The following BRI3BP variants were observed in gnomAD, a reference collection of about 807,000 sequenced individuals.
The protein encoded by BRI3BP is BRI3-binding protein.
BRI3BP carries 7 observed loss-of-function variants against 15.8 expected under a neutral mutation model. The observed-to-expected ratio is 0.44, with a 90% confidence interval of 0.25 to 0.83. The LOEUF (loss-of-function observed/expected upper bound fraction) is 0.83, where lower values mean the gene tolerates loss of function less well. BRI3BP is among the 40% of genes least tolerant of loss of function. The probability of loss-of-function intolerance (pLI) is 0.20; values close to 1 mark genes in which losing one functional copy is unlikely to be tolerated. For missense variants in BRI3BP, 320 were observed against 339.3 expected (o/e 0.94, Z 0.45); for synonymous variants, 192 against 163.5 (o/e 1.17, Z -1.33).
chr12:124,995,073 G>T (rs1375648195), intron 1 of BRI3BP, among the ~76,000 whole-genome samples: 2 of 152,178 alleles, frequency 1.3e-5, no homozygotes, highest in African/African-American at 4.8e-5. Context: ...GGAATAGAAG[G>T]GAATATGAAG....
intron 1 of BRI3BP, 98 bp downstream of exon 1, chr12:124,994,101 C>A: frequency 4.7e-6 from 4 of 850,502 alleles, no homozygotes; most frequent in South Asian, 5.6e-5. Context: ...CGGGGCTGCC[C>A]GCCCGGCCAG....
At chr12:125,032,311 A>T (rs1955412079), downstream of BRI3BP, among the ~76,000 whole-genome samples, 1 of 152,136 alleles carries the variant, frequency 6.6e-6, no homozygotes, top group Non-Finnish European at 1.5e-5. Flanking sequence ...GAATGCAATT[A>T]GCCGGGCGTG....
chr12:125,027,495 C>T lies in BRI3BP; in HGVS notation c.*2065C>T, dbSNP rs1955365880. On this transcript the variant is annotated 3_prime_UTR_variant, in exon 3 of 3. Coordinates refer to ENST00000341446, the MANE Select transcript of BRI3BP (RefSeq NM_080626.6). ...GACCAGCCCGGCCAACAGAGTGAAA[C>T]CCCGTCTCTACTAAAAATACAAAAA... is the stretch of plus-strand genomic sequence containing the variant. The T allele has an allele frequency of 6.6e-6, 1 of 151,976 alleles. No homozygotes were observed. Among genetic ancestry groups the T allele is most frequent in the Admixed American group, 6.6e-5 (1 of 15,244 alleles). 9.4% of individuals were successfully genotyped at this position (151,976 alleles called of 1,614,324 possible). A position where few individuals can be genotyped will look rare whatever the true frequency, so the allele number is the denominator to read the frequency against.
chr12:125,007,675 C>A (rs1955156981), intron 1 of BRI3BP, among the ~76,000 whole-genome samples: 1 of 151,872 alleles, frequency 6.6e-6, no homozygotes, highest in African/African-American at 2.4e-5. Flanking sequence ...GCCGTAATTA[C>A]CCCCACTGTA....
chr12:125,033,180 A>G (rs529951160), downstream of BRI3BP, among the ~76,000 whole-genome samples: 33 of 152,252 alleles, frequency 2.2e-4, no homozygotes, highest in South Asian at 6.2e-3. Context: ...AACAAACACA[A>G]ACTTCCTTCC....
chr12:125,042,849 A>C, the BRI3BP span, among the ~76,000 whole-genome samples: 2 of 152,010 alleles, frequency 1.3e-5, no homozygotes, highest in African/African-American at 4.8e-5. Flanking sequence ...ATAGCACATT[A>C]ATAGCTCACT....
chr12:125,009,873 A>C (rs928953701), intron 1 of BRI3BP, among the ~76,000 whole-genome samples: 3 of 152,064 alleles, frequency 2.0e-5, no homozygotes, highest in African/African-American at 4.8e-5. Flanking sequence ...ACGCCTAGGC[A>C]GGCGGGTCAC....
At chr12:125,010,870 G>C (rs1955191098) in intron 1 of BRI3BP, among the ~76,000 whole-genome samples, 1 of 152,024 alleles carries the variant, frequency 6.6e-6, no homozygotes. Flanking sequence ...GGGGTGGGCA[G>C]ATCACCTGAG....
chr12:125,017,444 C>G (rs1314609823), intron 2 of BRI3BP, among the ~76,000 whole-genome samples: 1 of 152,178 alleles, frequency 6.6e-6, no homozygotes, highest in Non-Finnish European at 1.5e-5. Context: ...CATGTGCCAC[C>G]ATGCCCAGGT....
At chr12:125,017,850 G>A (rs1345841940) in intron 2 of BRI3BP, among the ~76,000 whole-genome samples, 1 of 152,198 alleles carries the variant, frequency 6.6e-6, no homozygotes, top group Non-Finnish European at 1.5e-5. Flanking sequence ...CAGGGCAGGG[G>A]TTGTGTGGCT....
At chr12:125,003,428 A>G (rs1265142053) in intron 1 of BRI3BP, among the ~76,000 whole-genome samples, 2 of 152,136 alleles carry the variant, frequency 1.3e-5, no homozygotes, top group Non-Finnish European at 2.9e-5. Context: ...CCTTATTTCA[A>G]CTTTCCATTC....
At position 125,027,331 on chromosome 12, in the gene BRI3BP, C is replaced by T. The variant is rs559320671; in HGVS notation, c.*1901C>T. The T allele has an allele frequency of 6.6e-6, 1 of 152,212 alleles. No individual in the cohort carries two copies. Among genetic ancestry groups the T allele is most frequent in the South Asian group, 2.1e-4 (1 of 4,816 alleles). 9.4% of individuals were successfully genotyped at this position (152,212 alleles called of 1,614,324 possible). ...TTCCATTCACTTCCTGAAACGTGCA[C>T]CTGTTTCAGGTGCATGTTTATTCAG... On this transcript the variant is annotated 3_prime_UTR_variant, in exon 3 of 3. Transcript: ENST00000341446.
At chr12:125,015,448 T>C (rs1490116228) in intron 2 of BRI3BP, among the ~76,000 whole-genome samples, 1 of 151,394 alleles carries the variant, frequency 6.6e-6, no homozygotes, top group Non-Finnish European at 1.5e-5. Context: ...TCAGAGGGAG[T>C]GTGGCCCCAC....
At chr12:125,037,863 C>T in the BRI3BP span, among the ~76,000 whole-genome samples, 2 of 151,356 alleles carry the variant, frequency 1.3e-5, no homozygotes, top group Non-Finnish European at 1.5e-5. Flanking sequence ...CATGTATACA[C>T]GTGTGTTGAG....
At chr12:125,012,405 A>G (rs1398565796) in intron 1 of BRI3BP, 129 bp from the exon 2 acceptor site, 2 of 730,044 alleles carry the variant, frequency 2.7e-6, no homozygotes, top group Non-Finnish European at 4.9e-6. Context: ...AGTAGTCCAC[A>G]TGTGTGGTAT....
Position 125,026,518 on chromosome 12 carries a change from C to T in BRI3BP, c.*1088C>T, listed in dbSNP as rs1048391904. 2 of 152,002 alleles carry T rather than the reference C, an allele frequency of 1.3e-5. No homozygotes were observed. Among genetic ancestry groups the T allele is most frequent in the African/African-American group, 4.8e-5 (2 of 41,366 alleles). 9.4% of individuals were successfully genotyped at this position (152,002 alleles called of 1,614,324 possible). On this transcript the variant is annotated 3_prime_UTR_variant, in exon 3 of 3. Transcript: ENST00000341446. ...GCTTTTTATCTGAAATCTGTTGTGT[C>T]CTCCTTTTAGGCAGTCTCTGTGGGC...
In BRI3BP at chr12:125,026,422, A is replaced by G. The variant is rs1229734095; in HGVS notation, c.*992A>G. 1 of 152,138 alleles carries G rather than the reference A, an allele frequency of 6.6e-6. No individual in the cohort carries two copies. The highest frequency in any genetic ancestry group is 1.5e-5 in the Non-Finnish European group (1 of 68,040). 9.4% of individuals were successfully genotyped at this position (152,138 alleles called of 1,614,324 possible). A position where few individuals can be genotyped will look rare whatever the true frequency, so the allele number is the denominator to read the frequency against. On this transcript the variant is annotated 3_prime_UTR_variant, in exon 3 of 3. Coordinates refer to ENST00000341446, the MANE Select transcript of BRI3BP (RefSeq NM_080626.6). ...GCTGCTTAGAAAGATCCTCAGGAAC[A>G]ATTAGCAGCAATAAGCAAGCCTTTG...
chr12:125,025,299 C>A lies in BRI3BP; in HGVS notation c.625C>A (p.Pro209Thr), dbSNP rs1955342361. The change falls in exon 3 of 3, where the codon CCC becomes ACC. Residue 209 changes from proline to threonine, a missense_variant. Pro to Thr is a conservative substitution (Grantham distance 38). Coordinates refer to ENST00000341446, the MANE Select transcript of BRI3BP (RefSeq NM_080626.6). ...CATGGGCTTCTACTGGCGAAGCAGT[C>A]CCAGCGGCCCCAGCAACCCCAGCAA... ...GPMGFYWRSS[P>T]SGPSNPSNPS... is the part of the protein sequence containing the mutation. 3 of 1,613,838 alleles carry A rather than the reference C, an allele frequency of 1.9e-6. No homozygotes were observed. The highest frequency in any genetic ancestry group is 1.7e-5 in the Admixed American group (1 of 59,966).
At chr12:124,998,954 T>C (rs1459820028) in intron 1 of BRI3BP, among the ~76,000 whole-genome samples, 1 of 152,034 alleles carries the variant, frequency 6.6e-6, no homozygotes, top group East Asian at 1.9e-4. Context: ...GGCGCACACC[T>C]GTGGTCCCAG....
Sources: allele counts gnomAD v4.1 joint callset (sites outside exome capture counted in the v4.1 genomes callset), GRCh38; gene constraint gnomAD v4.1.1; transcripts MANE v1.5; gene names NCBI Gene and HGNC (gene_info 2026-07-23, HGNC 2026-07-21).